The following TSPAN18 variants were observed in gnomAD, a reference collection of about 807,000 sequenced individuals.
The protein encoded by TSPAN18 is tetraspanin-18.
A neutral mutation model predicts 27.3 loss-of-function variants in TSPAN18; 14 were observed. The observed-to-expected ratio is 0.51, with a 90% CI of 0.34 to 0.80. TSPAN18 has a LOEUF of 0.80. Ranked by LOEUF, TSPAN18 falls within the 30% of genes least tolerant of loss-of-function variation. The probability of loss-of-function intolerance (pLI) is 0.01; values close to 1 mark genes in which losing one functional copy is unlikely to be tolerated. For synonymous variants in TSPAN18, 143 were observed against 136.5 expected (o/e 1.05, Z -0.33); for missense variants, 268 against 323.9 (o/e 0.83, Z 1.32).
chr11:44,835,803 T>G (rs1857253187), intron 2 of TSPAN18, among the ~76,000 whole-genome samples: 1 of 152,254 alleles, frequency 6.6e-6, no homozygotes, highest in Admixed American at 6.5e-5. Flanking sequence ...ACTTCCTATC[T>G]CTGTTGCATT....
intron 2 of TSPAN18, among the ~76,000 whole-genome samples, chr11:44,818,515 A>G (rs888977823): frequency 2.0e-5 from 3 of 152,156 alleles, no homozygotes; most frequent in Non-Finnish European, 4.4e-5. Context: ...CAGGTGGCCC[A>G]GCGTCCTGCA....
At chr11:44,922,934 C>A (rs1258827366) in intron 8 of TSPAN18, among the ~76,000 whole-genome samples, 1 of 152,126 alleles carries the variant, frequency 6.6e-6, no homozygotes, top group Non-Finnish European at 1.5e-5. Flanking sequence ...CACGGAGAAA[C>A]CCCGTCTCTA....
At chr11:44,831,156 C>A (rs1270344366) in intron 2 of TSPAN18, among the ~76,000 whole-genome samples, 3 of 152,068 alleles carry the variant, frequency 2.0e-5, no homozygotes. Flanking sequence ...AACAAAATGC[C>A]ACTATGCCAG....
At chr11:44,802,657 C>T (rs1856508944) in intron 2 of TSPAN18, among the ~76,000 whole-genome samples, 2 of 138,020 alleles carry the variant, frequency 1.4e-5, no homozygotes, top group Admixed American at 7.2e-5. Flanking sequence ...AGGGTGGGCT[C>T]AAGAACTGGG....
chr11:44,875,613 CT>C (rs1255636719), intron 3 of TSPAN18, among the ~76,000 whole-genome samples: 1 of 152,252 alleles, frequency 6.6e-6, no homozygotes, highest in African/African-American at 2.4e-5. Context: ...GCAAAATTAT[CT>C]CATCAAATCC....
chr11:44,822,914 T>G lies in TSPAN18; in HGVS notation c.-152-37414T>G, dbSNP rs1041251039. Among the ~76,000 whole-genome samples, 5 of 152,264 alleles carry G rather than the reference T, an allele frequency of 3.3e-5. No homozygotes were observed. In the South Asian group the frequency reaches 1.0e-3, roughly 32 times the overall value. ...GGTCTCACATGTAGGTGGAGCTGAG[T>G]TGATTCTCCCACCAGCTGTGTAACA... On this transcript the variant is annotated intron_variant, in intron 2 of 9. Transcript: ENST00000520358.
chr11:44,885,891 G>A (rs1858635518), intron 3 of TSPAN18: 1 of 152,252 alleles, frequency 6.6e-6, no homozygotes, highest in Non-Finnish European at 1.5e-5. Context: ...AATTGCAGTT[G>A]CCCTGAGAAG....
intron 2 of TSPAN18, among the ~76,000 whole-genome samples, chr11:44,814,238 ATT>A (rs5791648): frequency 6.6e-6 from 1 of 151,504 alleles, no homozygotes; most frequent in Non-Finnish European, 1.5e-5. Flanking sequence ...CAGAATAAGG[ATT>A]TTTTTTTTAA....
intron 2 of TSPAN18, among the ~76,000 whole-genome samples, chr11:44,826,720 G>A (rs547074317): frequency 1.3e-5 from 2 of 152,298 alleles, no homozygotes; most frequent in Non-Finnish European, 1.5e-5. Context: ...AGCTCTTTAC[G>A]CTGCAGGCCT....
intron 5 of TSPAN18, among the ~76,000 whole-genome samples, chr11:44,914,450 A>G (rs774091931): frequency 5.3e-5 from 8 of 152,192 alleles, no homozygotes; most frequent in Non-Finnish European, 8.8e-5. Context: ...TGTTGCATTC[A>G]TGATCCAGTG....
intron 3 of TSPAN18, among the ~76,000 whole-genome samples, chr11:44,864,210 C>T (rs561091257): frequency 6.8e-6 from 1 of 146,798 alleles, no homozygotes; most frequent in African/African-American, 2.5e-5. Flanking sequence ...TTGCTTGAAC[C>T]TGGAAGGCAG....
chr11:44,757,669 T>C (rs905231560), intron 1 of TSPAN18, among the ~76,000 whole-genome samples: 1 of 152,214 alleles, frequency 6.6e-6, no homozygotes, highest in Non-Finnish European at 1.5e-5. Flanking sequence ...ACAGGCAGTG[T>C]GAGCCACTGT....
At chr11:44,903,396 AG>A (rs984261673) in intron 3 of TSPAN18, 2 of 435,976 alleles carry the variant, frequency 4.6e-6, no homozygotes, top group Non-Finnish European at 9.2e-6. Context: ...TAGGAAAGTC[AG>A]GGCAGGAATA....
At chr11:44,823,162 C>G (rs1020527735) in intron 2 of TSPAN18, among the ~76,000 whole-genome samples, 5 of 152,246 alleles carry the variant, frequency 3.3e-5, no homozygotes, top group South Asian at 2.1e-4. Context: ...CAACGCCCCC[C>G]CACTGCCCAG....
chr11:44,916,528 G>C (rs1859916443), intron 5 of TSPAN18, among the ~76,000 whole-genome samples: 2 of 152,170 alleles, frequency 1.3e-5, no homozygotes, highest in South Asian at 4.1e-4. Flanking sequence ...CAGGGGAAAT[G>C]CTTTCACATG....
chr11:44,834,956 AGG>A (rs1461105930), intron 2 of TSPAN18, among the ~76,000 whole-genome samples: 6 of 152,258 alleles, frequency 3.9e-5, no homozygotes, highest in Non-Finnish European at 7.3e-5. Context: ...CTGATCCCAC[AGG>A]GAAACCTGTA....
At chr11:44,785,152 A>C (rs919137439) in intron 2 of TSPAN18, among the ~76,000 whole-genome samples, 9 of 152,152 alleles carry the variant, frequency 5.9e-5, no homozygotes, top group Admixed American at 5.9e-4. Context: ...TGAGATGCAA[A>C]AGGATATTTA....
At chr11:44,812,147 A>T (rs776568187) in intron 2 of TSPAN18, among the ~76,000 whole-genome samples, 20 of 152,218 alleles carry the variant, frequency 1.3e-4, no homozygotes, top group Non-Finnish European at 2.4e-4. Flanking sequence ...ACAGCCAGGC[A>T]GGTCTAACCA....
At chr11:44,919,562 A>T in intron 7 of TSPAN18, 1 of 608,242 alleles carries the variant, frequency 1.6e-6, no homozygotes, top group Non-Finnish European at 2.9e-6. Flanking sequence ...GATAATAACC[A>T]CAGCAACTGT....
Sources: allele counts gnomAD v4.1 joint callset (sites outside exome capture counted in the v4.1 genomes callset), GRCh38; gene constraint gnomAD v4.1.1; transcripts MANE v1.5; gene names NCBI Gene and HGNC (gene_info 2026-07-23, HGNC 2026-07-21).